The following FSTL5 variants were observed in gnomAD, a reference collection of about 807,000 sequenced individuals.
The protein encoded by FSTL5 is follistatin-related protein 5.
A neutral mutation model predicts 89.1 loss-of-function variants in FSTL5; 62 were observed. That is an observed-to-expected ratio of 0.70 (90% CI 0.57 to 0.86). FSTL5 has a LOEUF of 0.86. Ranked by LOEUF, FSTL5 falls within the 40% of genes least tolerant of loss-of-function variation. FSTL5 has a pLI of 0.00. For synonymous variants in FSTL5, 383 were observed against 346.2 expected (o/e 1.11, Z -1.18); for missense variants, 1,057 against 1,001.6 (o/e 1.06, Z -0.75).
At chr4:161,915,502 A>G (rs533929524) in intron 4 of FSTL5, among the ~76,000 whole-genome samples, 1 of 152,228 alleles carries the variant, frequency 6.6e-6, no homozygotes, top group African/African-American at 2.4e-5. Flanking sequence ...CATCTATCAT[A>G]TGTCTCCTAT....
intron 3 of FSTL5, among the ~76,000 whole-genome samples, chr4:161,943,238 G>A (rs1734640319): frequency 6.6e-6 from 1 of 151,744 alleles, no homozygotes; most frequent in Admixed American, 6.6e-5. Context: ...TATTAAGACT[G>A]CAATACTACC....
intron 6 of FSTL5, among the ~76,000 whole-genome samples, chr4:161,757,952 A>G (rs1192633917): frequency 1.3e-5 from 2 of 152,156 alleles, no homozygotes; most frequent in Non-Finnish European, 2.9e-5. Flanking sequence ...TTTGAAAAGT[A>G]GCTAATCTAA....
intron 15 of FSTL5, among the ~76,000 whole-genome samples, chr4:161,429,706 C>T (rs577775859): frequency 3.2e-4 from 49 of 152,280 alleles, no homozygotes; most frequent in African/African-American, 9.6e-4. Context: ...TAGATTACAA[C>T]ACAGGAGTCC....
At chr4:161,445,162 C>T (rs371153016) in intron 15 of FSTL5, among the ~76,000 whole-genome samples, 46 of 151,926 alleles carry the variant, frequency 3.0e-4, no homozygotes, top group African/African-American at 8.7e-4. Flanking sequence ...TATAGAGAAA[C>T]GCTTTCAATG....
chr4:162,036,820 T>C (rs1179092486), intron 2 of FSTL5, among the ~76,000 whole-genome samples: 2 of 151,944 alleles, frequency 1.3e-5, no homozygotes, highest in African/African-American at 2.4e-5. Flanking sequence ...GATAGAATCA[T>C]TGACTTTAGA....
At chr4:161,795,424 G>C (rs929871145) in intron 4 of FSTL5, among the ~76,000 whole-genome samples, 1 of 152,048 alleles carries the variant, frequency 6.6e-6, no homozygotes, top group African/African-American at 2.4e-5. Context: ...GGAAGGCCCG[G>C]AAGAACCCTA....
intron 8 of FSTL5, among the ~76,000 whole-genome samples, chr4:161,550,714 C>T (rs975225272): frequency 4.0e-5 from 6 of 151,878 alleles, no homozygotes; most frequent in African/African-American, 9.7e-5. Flanking sequence ...GGTATATCTC[C>T]CAATGCTATC....
intron 10 of FSTL5, among the ~76,000 whole-genome samples, chr4:161,522,034 C>T (rs910066327): frequency 6.6e-6 from 1 of 151,922 alleles, no homozygotes; most frequent in African/African-American, 2.4e-5. Flanking sequence ...TGCCTGTTCT[C>T]CCCTAGTCCT....
intron 4 of FSTL5, among the ~76,000 whole-genome samples, chr4:161,845,798 C>A (rs1279614138): frequency 2.6e-5 from 4 of 152,100 alleles, no homozygotes; most frequent in Non-Finnish European, 5.9e-5. Flanking sequence ...GTAATCCCAG[C>A]ACTTTGGGAG....
intron 4 of FSTL5, among the ~76,000 whole-genome samples, chr4:161,879,828 A>G (rs1732568483): frequency 6.6e-6 from 1 of 152,168 alleles, no homozygotes; most frequent in South Asian, 2.1e-4. Context: ...CCCCTTGCTT[A>G]CACTTACCAC....
chr4:161,410,361 C>T (rs940735618), intron 15 of FSTL5, among the ~76,000 whole-genome samples: 3 of 152,174 alleles, frequency 2.0e-5, no homozygotes, highest in Non-Finnish European at 4.4e-5. Context: ...TACCTTGACA[C>T]TTGACCAACT....
intron 8 of FSTL5, among the ~76,000 whole-genome samples, chr4:161,563,278 T>C (rs1316811323): frequency 2.0e-5 from 3 of 152,062 alleles, no homozygotes; most frequent in Non-Finnish European, 4.4e-5. Flanking sequence ...AATATTACTT[T>C]GAGATCTTAT....
At chr4:161,390,417 T>A (rs17396792) in intron 15 of FSTL5, among the ~76,000 whole-genome samples, 12,655 of 152,204 alleles carry the variant, frequency 0.083, 681 homozygotes, top group Non-Finnish European at 0.13. Context: ...TATTTAGGGA[T>A]GCATGGTTGA....
chr4:161,596,637 C>T (rs539343943), intron 7 of FSTL5, among the ~76,000 whole-genome samples: 6 of 152,072 alleles, frequency 3.9e-5, no homozygotes, highest in East Asian at 1.9e-4. Flanking sequence ...AGAATAATCA[C>T]GGAAAAGGGG....
chr4:161,481,499 G>A (rs1192212531), intron 12 of FSTL5, among the ~76,000 whole-genome samples: 1 of 151,960 alleles, frequency 6.6e-6, no homozygotes, highest in Non-Finnish European at 1.5e-5. Flanking sequence ...TCAGTCTCAA[G>A]GTTCTTTAAC....
chr4:161,463,156 GA>G (rs1045540572), intron 13 of FSTL5, among the ~76,000 whole-genome samples: 1 of 151,966 alleles, frequency 6.6e-6, no homozygotes. Context: ...CTATTTGGAG[GA>G]AAAAAATATC....
chr4:161,877,807 C>A (rs1257165581), intron 4 of FSTL5, among the ~76,000 whole-genome samples: 1 of 151,824 alleles, frequency 6.6e-6, no homozygotes, highest in Admixed American at 6.6e-5. Flanking sequence ...GCCTGGGCGA[C>A]AGAGCGAGAC....
intron 4 of FSTL5, among the ~76,000 whole-genome samples, chr4:161,869,658 T>C (rs1732201511): frequency 6.6e-6 from 1 of 152,180 alleles, no homozygotes. Context: ...ATACACATTC[T>C]ACAGTGCATA....
At chr4:162,033,584 T>A in intron 3 of FSTL5, 41 bp downstream of exon 3, 1 of 1,080,418 alleles carries the variant, frequency 9.3e-7, no homozygotes, top group Non-Finnish European at 1.3e-6. Flanking sequence ...CTTTCTGTTA[T>A]GAACTTATAT....
Sources: gnomAD v4.1 joint callset for allele counts (sites outside exome capture counted in the v4.1 genomes callset) on GRCh38, gnomAD v4.1.1 for gene constraint, MANE v1.5 for transcripts, NCBI Gene and HGNC (gene_info 2026-07-23, HGNC 2026-07-21) for gene names.